The following IQGAP2 variants were observed in gnomAD, a reference collection of about 807,000 sequenced individuals.
IQGAP2 encodes IQ motif containing GTPase activating protein 2.
IQGAP2 carries 173 observed loss-of-function variants against 201.3 expected under a neutral mutation model. The ratio of observed to expected loss-of-function variants is 0.86; its 90% confidence interval spans 0.76 to 0.98. The LOEUF (loss-of-function observed/expected upper bound fraction) is 0.98, where lower values mean the gene tolerates loss of function less well. Ranked by LOEUF, IQGAP2 falls within the 50% of genes least tolerant of loss-of-function variation. The probability of loss-of-function intolerance (pLI) is 0.00; values close to 1 mark genes in which losing one functional copy is unlikely to be tolerated. For missense variants in IQGAP2, 1,687 were observed against 1,864.8 expected, an observed-to-expected ratio of 0.90 and a Z score of 1.76; for synonymous variants, 675 against 673.9, an observed-to-expected ratio of 1.00 and a Z score of -0.03.
At chr5:76,600,204 AGCTTTACTT>A (rs1160399258) in intron 10 of IQGAP2, among the ~76,000 whole-genome samples, 1 of 152,212 alleles carries the variant, frequency 6.6e-6, no homozygotes, top group Non-Finnish European at 1.5e-5. Context: ...AAACCTGGAG[AGCTTTACTT>A]GCTTTACCAA....
intron 2 of IQGAP2, among the ~76,000 whole-genome samples, chr5:76,519,033 G>T (rs1020833247): frequency 1.8e-4 from 28 of 152,188 alleles, no homozygotes; most frequent in African/African-American, 6.5e-4. Context: ...ACCCAACACA[G>T]ATATGTTTCA....
chr5:76,438,568 G>A (rs1004053048), intron 1 of IQGAP2, among the ~76,000 whole-genome samples: 5 of 151,848 alleles, frequency 3.3e-5, no homozygotes, highest in South Asian at 2.1e-4. Flanking sequence ...TCAGCCTCCC[G>A]AGCAGCTGGG....
chr5:76,666,111 G>A (rs1431749860), intron 22 of IQGAP2, among the ~76,000 whole-genome samples: 1 of 152,216 alleles, frequency 6.6e-6, no homozygotes, highest in Non-Finnish European at 1.5e-5. Flanking sequence ...GGAGAAACAC[G>A]ATGTTAATTT....
At chr5:76,599,797 T>C (rs1747302853) in intron 10 of IQGAP2, among the ~76,000 whole-genome samples, 1 of 152,170 alleles carries the variant, frequency 6.6e-6, no homozygotes, top group South Asian at 2.1e-4. Context: ...TGTATCAGCT[T>C]TTCCTTAGTG....
chr5:76,695,024 C>G (rs548998280), intron 31 of IQGAP2, among the ~76,000 whole-genome samples: 1 of 152,328 alleles, frequency 6.6e-6, no homozygotes, highest in East Asian at 1.9e-4. Context: ...TAGTTTAGGA[C>G]TCTCCATAAA....
chr5:76,664,960 T>G, intron 21 of IQGAP2, 66 bp from the exon 22 acceptor site: 1 of 894,326 alleles, frequency 1.1e-6, no homozygotes, highest in Non-Finnish European at 1.8e-6. Flanking sequence ...TTCAATCCTA[T>G]ATGTGAAGGG....
At chr5:76,672,409 G>A (rs892215363) in intron 24 of IQGAP2, among the ~76,000 whole-genome samples, 1 of 152,116 alleles carries the variant, frequency 6.6e-6, no homozygotes, top group African/African-American at 2.4e-5. Flanking sequence ...CTTGTTTCCT[G>A]TAAAAGGATG....
intron 13 of IQGAP2, among the ~76,000 whole-genome samples, chr5:76,624,890 A>G (rs1285321483): frequency 6.6e-6 from 1 of 152,118 alleles, no homozygotes; most frequent in Non-Finnish European, 1.5e-5. Flanking sequence ...CCTGACCAAC[A>G]TGGTGAAACC....
chr5:76,439,040 T>G (rs1463087902), intron 1 of IQGAP2, among the ~76,000 whole-genome samples: 2 of 88,688 alleles, frequency 2.3e-5, no homozygotes, highest in East Asian at 4.7e-4. Flanking sequence ...TCCCAGAGGC[T>G]TTGATAACTT....
At chr5:76,659,476 C>T (rs1454109147) in intron 21 of IQGAP2, among the ~76,000 whole-genome samples, 9 of 152,172 alleles carry the variant, frequency 5.9e-5, no homozygotes, top group African/African-American at 2.2e-4. Flanking sequence ...TGGAGAACAA[C>T]TATTTGTAAA....
chr5:76,570,517 T>G, intron 3 of IQGAP2, 63 bp from the exon 4 acceptor site: 3 of 1,101,230 alleles, frequency 2.7e-6, no homozygotes, highest in Non-Finnish European at 4.2e-6. Context: ...AAAAAGTTAT[T>G]GCAAATGACT....
chr5:76,623,952 T>TTTTG (rs35125370), intron 13 of IQGAP2, among the ~76,000 whole-genome samples: 1 of 147,618 alleles, frequency 6.8e-6, no homozygotes, highest in Non-Finnish European at 1.5e-5. Context: ...TTTTTTTTTT[T>TTTTG]GCCTTATCTT....
chr5:76,644,924 C>G (rs936336330), intron 17 of IQGAP2, among the ~76,000 whole-genome samples: 3 of 152,122 alleles, frequency 2.0e-5, no homozygotes, highest in African/African-American at 7.2e-5. Flanking sequence ...TAGGTATACA[C>G]GTGCCATGGT....
chr5:76,412,202 G>A (rs1039121595), intron 1 of IQGAP2, among the ~76,000 whole-genome samples: 11 of 152,142 alleles, frequency 7.2e-5, no homozygotes, highest in African/African-American at 2.7e-4. Context: ...AAAGATAGGA[G>A]GACATTTTTA....
intron 13 of IQGAP2, among the ~76,000 whole-genome samples, chr5:76,612,019 A>T (rs1748454318): frequency 6.6e-6 from 1 of 152,224 alleles, no homozygotes; most frequent in African/African-American, 2.4e-5. Context: ...TCCTTGGTTA[A>T]TGCAAACATT....
At chr5:76,495,121 A>G (rs1177296351) in intron 2 of IQGAP2, among the ~76,000 whole-genome samples, 2 of 152,256 alleles carry the variant, frequency 1.3e-5, no homozygotes, top group African/African-American at 4.8e-5. Flanking sequence ...AGATATACAT[A>G]CCTATATATA....
intron 2 of IQGAP2, among the ~76,000 whole-genome samples, chr5:76,535,418 AT>A (rs1246439480): frequency 1.3e-5 from 2 of 152,128 alleles, no homozygotes; most frequent in African/African-American, 4.8e-5. Flanking sequence ...TCACAAAAAA[AT>A]TTTTTTTAAA....
chr5:76,579,543 T>C (rs1422607175), intron 5 of IQGAP2, among the ~76,000 whole-genome samples: 2 of 151,302 alleles, frequency 1.3e-5, no homozygotes, highest in African/African-American at 4.8e-5. Context: ...CCCATTACCC[T>C]GAAATAATTT....
chr5:76,461,538 GTAAAT>G, intron 1 of IQGAP2, 27 bp from the exon 2 acceptor site: 1 of 1,510,332 alleles, frequency 6.6e-7, no homozygotes, highest in Non-Finnish European at 9.2e-7. Flanking sequence ...GACTGCCTTT[GTAAAT>G]CACATGTTGT....
Sources: allele counts gnomAD v4.1 joint callset (sites outside exome capture counted in the v4.1 genomes callset), GRCh38; gene constraint gnomAD v4.1.1; transcripts MANE v1.5; gene names NCBI Gene and HGNC (gene_info 2026-07-23, HGNC 2026-07-21).